Variants in FBXL2 observed in about 807,000 individuals in gnomAD.
The protein encoded by FBXL2 is F-box and leucine rich repeat protein 2, also known as F-box/LRR-repeat protein 2.
A neutral mutation model predicts 69.2 loss-of-function variants in FBXL2; 38 were observed. That is an observed-to-expected ratio of 0.55 (90% CI 0.42 to 0.72). FBXL2 has a LOEUF of 0.72. Among genes scored for constraint, FBXL2 ranks in the 30% least tolerant of loss-of-function variants. The pLI, the probability that FBXL2 is intolerant of heterozygous loss-of-function variation, is 0.00. For synonymous variants in FBXL2, 192 were observed against 201.3 expected (o/e 0.95, Z 0.39); for missense variants, 354 against 520.3 (o/e 0.68, Z 3.11).
Position 33,373,292 on chromosome 3 carries a change from A to G in FBXL2, c.392A>G (p.Lys131Arg). The part of the protein sequence containing the change: ...TCYSLSRFCS[K>R]LKHLDLTSCV... ...TATAGCCTTAGCAGATTCTGTTCCA[A>G]GCTGAAACATCTGGATCTGACCTCC... Residue 131 changes from lysine (K) to arginine (R), a missense_variant, in exon 7 of 15, where the codon AAG becomes AGG. Physicochemically the swap from Lys to Arg is conservative, Grantham distance 26. Coordinates refer to ENST00000484457, the MANE Select transcript of FBXL2 (RefSeq NM_012157.5). The G allele has an allele frequency of 6.2e-7, 1 of 1,614,178 alleles. No homozygotes were observed. Among genetic ancestry groups the G allele is most frequent in the Non-Finnish European group, 8.5e-7 (1 of 1,180,030 alleles).
chr3:33,364,646 T>TCGA lies in FBXL2; in HGVS notation c.218_220dup (p.Ser73_Lys74insThr), dbSNP rs2041839030. ...AAAGGGTCGAGTGGTGGAAAATATC[T>TCGA]CGAAGCGATGCGGTGGATTCCTGAG... On this transcript the variant is annotated inframe_insertion, in exon 5 of 15. Coordinates refer to ENST00000484457, the MANE Select transcript of FBXL2 (RefSeq NM_012157.5). The TCGA allele has an allele frequency of 6.2e-7, 1 of 1,614,074 alleles. No homozygotes were observed.
At chr3:33,403,784 G>A (rs1376319684), downstream of FBXL2, 1 of 152,094 alleles carries the variant, frequency 6.6e-6, no homozygotes, top group Non-Finnish European at 1.5e-5. Context: ...TCAAATACAA[G>A]TCTTCAGACT....
chr3:33,346,761 GT>G (rs1337089587), intron 2 of FBXL2, among the ~76,000 whole-genome samples: 4 of 152,004 alleles, frequency 2.6e-5, no homozygotes, highest in Admixed American at 6.6e-5. Context: ...AGGGATTGTT[GT>G]TGCTGGTCAC....
intron 2 of FBXL2, among the ~76,000 whole-genome samples, chr3:33,338,083 C>T (rs1322755205): frequency 6.6e-6 from 1 of 152,134 alleles, no homozygotes; most frequent in Non-Finnish European, 1.5e-5. Context: ...AATGCTAATG[C>T]CTTTTTTTTC....
At chr3:33,351,068 C>T (rs2040796449) in intron 2 of FBXL2, among the ~76,000 whole-genome samples, 1 of 151,954 alleles carries the variant, frequency 6.6e-6, no homozygotes, top group South Asian at 2.1e-4. Context: ...GAGTTTGAGA[C>T]CAGCCTGACC....
chr3:33,421,912 C>T, the FBXL2 span, among the ~76,000 whole-genome samples: 1 of 152,070 alleles, frequency 6.6e-6, no homozygotes, highest in African/African-American at 2.4e-5. Flanking sequence ...CACATGGTGG[C>T]ATGTGCCCAT....
At chr3:33,313,687 A>G (rs922213917) in intron 2 of FBXL2, among the ~76,000 whole-genome samples, 4 of 151,502 alleles carry the variant, frequency 2.6e-5, no homozygotes, top group African/African-American at 9.7e-5. Flanking sequence ...GCCTCAAGCC[A>G]TCCTCCTGCC....
At chr3:33,389,792 A>C (rs1420212147), downstream of FBXL2, 2 of 154,024 alleles carry the variant, frequency 1.3e-5, no homozygotes, top group African/African-American at 4.8e-5. Flanking sequence ...CTCAGACATG[A>C]TTTCTTCCAA....
At chr3:33,315,078 A>C (rs1182270468) in intron 2 of FBXL2, among the ~76,000 whole-genome samples, 1 of 152,214 alleles carries the variant, frequency 6.6e-6, no homozygotes. Context: ...CACAGAAATT[A>C]AAAAGATGTG....
At chr3:33,360,907 C>T (rs1192851478) in intron 4 of FBXL2, among the ~76,000 whole-genome samples, 2 of 142,136 alleles carry the variant, frequency 1.4e-5, no homozygotes, top group Non-Finnish European at 1.5e-5. Flanking sequence ...TTTTGGAAAG[C>T]ACATGAAGAA....
chr3:33,347,476 A>G (rs1403778600), intron 2 of FBXL2, among the ~76,000 whole-genome samples: 1 of 152,228 alleles, frequency 6.6e-6, no homozygotes, highest in Non-Finnish European at 1.5e-5. Flanking sequence ...TGCCACAACA[A>G]ACATGGGAGT....
intron 2 of FBXL2, among the ~76,000 whole-genome samples, chr3:33,353,924 GAA>G (rs2041008306): frequency 6.6e-6 from 1 of 152,122 alleles, no homozygotes; most frequent in Non-Finnish European, 1.5e-5. Flanking sequence ...GGGTTCATGA[GAA>G]AGAGAGGAGG....
the FBXL2 span, chr3:33,412,646 G>A: frequency 1.1e-6 from 1 of 925,738 alleles, no homozygotes; most frequent in Non-Finnish European, 1.7e-6. Flanking sequence ...AGTAATTCAT[G>A]ATGCCAACAC....
At position 33,384,058 on chromosome 3, in the gene FBXL2, G is replaced by A; in HGVS notation, c.1021G>A (p.Glu341Lys). The A allele has an allele frequency of 6.2e-7, 1 of 1,614,174 alleles. No homozygotes were observed. The highest frequency in any genetic ancestry group is 8.5e-7 in the Non-Finnish European group (1 of 1,180,016). Residue 341 changes from glutamate to lysine, a missense_variant, in exon 14 of 15, where the codon GAG becomes AAG. Coordinates refer to ENST00000484457, the MANE Select transcript of FBXL2 (RefSeq NM_012157.5). ...CCTGAGCAACAGTACCTGTGGCCATGAGAGGCTGCGGGTACTGGAGTTGGA... is the reference window on the plus strand; with the variant it reads ...CCTGAGCAACAGTACCTGTGGCCATAAGAGGCTGCGGGTACTGGAGTTGGA... The part of the protein sequence containing the change: ...LHLSNSTCGH[E>K]RLRVLELDNC...
At chr3:33,411,635 T>C in the FBXL2 span, 1 of 1,614,206 alleles carries the variant, frequency 6.2e-7, no homozygotes, top group Non-Finnish European at 8.5e-7. Flanking sequence ...CAACCGCATT[T>C]AACTGGCTTG....
chr3:33,350,644 C>G (rs1364969111), intron 2 of FBXL2, among the ~76,000 whole-genome samples: 1 of 151,980 alleles, frequency 6.6e-6, no homozygotes, highest in Non-Finnish European at 1.5e-5. Flanking sequence ...ACATATTGGG[C>G]AGGCTAGTCT....
intron 1 of FBXL2, among the ~76,000 whole-genome samples, chr3:33,285,676 A>T (rs965078274): frequency 1.3e-5 from 2 of 152,180 alleles, no homozygotes; most frequent in Non-Finnish European, 2.9e-5. Context: ...TTTCAGGTAC[A>T]CCAATCAGAC....
intron 5 of FBXL2, 167 bp from the exon 6 acceptor site, chr3:33,372,925 A>G (rs1575382637): frequency 3.0e-6 from 2 of 665,732 alleles, no homozygotes; most frequent in African/African-American, 1.8e-5. Flanking sequence ...GTCGAGCCCC[A>G]TTCTAGATCT....
At chr3:33,355,884 C>T (rs1047320021) in intron 2 of FBXL2, among the ~76,000 whole-genome samples, 4 of 152,108 alleles carry the variant, frequency 2.6e-5, no homozygotes, top group African/African-American at 7.2e-5. Context: ...TTTTACTCGT[C>T]GAAACATGAG....
Sources: allele counts gnomAD v4.1 joint callset (sites outside exome capture counted in the v4.1 genomes callset), GRCh38; gene constraint gnomAD v4.1.1; transcripts MANE v1.5; gene names NCBI Gene and HGNC (gene_info 2026-07-23, HGNC 2026-07-21).